The following HPCAL1 variants were observed in gnomAD, a reference collection of about 807,000 sequenced individuals.
HPCAL1 encodes the protein hippocalcin like 1.
A neutral mutation model predicts 17.1 loss-of-function variants in HPCAL1; 8 were observed. The observed-to-expected ratio is 0.47, with a 90% CI of 0.27 to 0.84. The LOEUF (loss-of-function observed/expected upper bound fraction) is 0.84, where lower values mean the gene tolerates loss of function less well. Ranked by LOEUF, HPCAL1 falls within the 40% of genes least tolerant of loss-of-function variation. The pLI, the probability that HPCAL1 is intolerant of heterozygous loss-of-function variation, is 0.13. For missense variants in HPCAL1, 165 were observed against 271.1 expected (o/e 0.61, Z 2.75); for synonymous variants, 112 against 111.4 (o/e 1.01, Z -0.03).
rs778908511 is a variant in HPCAL1 at position 10,419,817 on chromosome 2, G to T, written c.60G>T (p.Thr20=). 6 of 1,613,706 alleles carry T rather than the reference G, an allele frequency of 3.7e-6. No homozygotes were observed. The highest frequency in any genetic ancestry group is 5.1e-6 in the Non-Finnish European group (6 of 1,179,984). The change falls in exon 3 of 5, where the codon ACG becomes ACT. Residue 20 remains threonine, a synonymous_variant. Coordinates refer to ENST00000307845, the MANE Select transcript of HPCAL1 (RefSeq NM_002149.4). This position sits in a 1 kb window ranked among gnomAD's most constrained non-coding sequence, Gnocchi z 5.0. The part of the protein sequence containing the change: ...PEVLQDLREN[T]EFTDHELQEW... ...TGCTGCAGGACCTGCGGGAGAACAC[G>T]GAGTTCACCGACCACGAGCTGCAGG...
rs1274644415 is a variant in HPCAL1, at chr2:10,394,206, G to GC, written c.-110-2625dup. Reference sequence around the variant, plus strand: ...GGGTTTGGGGATTTGTGTTTTGGGCGCCCCACACCCCATTTAGCCGAGTGT... The same window carrying GC: ...GGGTTTGGGGATTTGTGTTTTGGGCGCCCCCACACCCCATTTAGCCGAGTGT... On this transcript the variant is annotated intron_variant, in intron 1 of 4. Coordinates refer to ENST00000307845, the MANE Select transcript of HPCAL1 (RefSeq NM_002149.4). The surrounding 1 kb of genome is among the most constrained non-coding windows in gnomAD (Gnocchi z 5.0). 2.6e-5 allele frequency among the ~76,000 whole-genome samples: 4 copies of GC among 152,098 alleles called. No homozygotes were observed. The highest frequency in any genetic ancestry group is 9.7e-5 in the African/African-American group (4 of 41,392).
chr2:10,422,957 C>A (rs752747935), intron 3 of HPCAL1, 26 bp from the exon 4 acceptor site: 1 of 1,551,722 alleles, frequency 6.4e-7, no homozygotes, highest in Admixed American at 1.7e-5. Flanking sequence ...GGCCTCTGAG[C>A]ACAGTGTCAT....
At chr2:10,414,291 G>A (rs1007297165) in intron 2 of HPCAL1, among the ~76,000 whole-genome samples, 4 of 152,228 alleles carry the variant, frequency 2.6e-5, no homozygotes, top group Non-Finnish European at 5.9e-5. Context: ...CTGTGCTACT[G>A]TAACACGGGA....
intron 1 of HPCAL1, among the ~76,000 whole-genome samples, chr2:10,361,379 C>G (rs145511972): frequency 6.6e-6 from 1 of 152,034 alleles, no homozygotes; most frequent in African/African-American, 2.4e-5. Flanking sequence ...AATCAGTTGC[C>G]CTAATTGCCT....
chr2:10,411,150 G>A (rs888944230), intron 2 of HPCAL1, among the ~76,000 whole-genome samples: 13 of 152,160 alleles, frequency 8.5e-5, no homozygotes, highest in Middle Eastern at 3.2e-3. Context: ...CAGTGGGGAG[G>A]CCATCTTGCA....
At position 10,323,326 on chromosome 2, in the gene HPCAL1, G is replaced by T. The variant is rs1663793275; in HGVS notation, c.-111+20149G>T. Among the ~76,000 whole-genome samples, 2 of 152,202 alleles carry T rather than the reference G, an allele frequency of 1.3e-5. No homozygotes were observed. The highest frequency in any genetic ancestry group is 2.4e-5 in the African/African-American group (1 of 41,444). ...CTGTGCCTCTTGTACCCTAACTTCA[G>T]TGTTAGAGCACCTTTCAGGGGGAAT... On this transcript the variant is annotated intron_variant, in intron 1 of 4. Coordinates refer to ENST00000307845, the MANE Select transcript of HPCAL1 (RefSeq NM_002149.4). This position sits in a 1 kb window ranked among gnomAD's most constrained non-coding sequence, Gnocchi z 4.6.
chr2:10,402,226 A>G (rs1353802450), intron 2 of HPCAL1, among the ~76,000 whole-genome samples: 1 of 152,168 alleles, frequency 6.6e-6, no homozygotes, highest in Non-Finnish European at 1.5e-5. Context: ...TAGGAGAAGG[A>G]AAGAAGGAGT....
chr2:10,353,614 C>A (rs1031275561), intron 1 of HPCAL1, among the ~76,000 whole-genome samples: 9 of 152,222 alleles, frequency 5.9e-5, no homozygotes, highest in Middle Eastern at 3.2e-3. Flanking sequence ...CTCACCCAGG[C>A]TGGAGTGCAG....
At chr2:10,327,402 G>A (rs1031562330) in intron 1 of HPCAL1, among the ~76,000 whole-genome samples, 4 of 152,212 alleles carry the variant, frequency 2.6e-5, no homozygotes, top group Non-Finnish European at 5.9e-5. Flanking sequence ...GCTAGCGTCA[G>A]GTGGGGGATT....
rs1327459379 is a variant in HPCAL1 at position 10,354,913 on chromosome 2, A to G, written c.-110-41922A>G. On this transcript the variant is annotated intron_variant, in intron 1 of 4. Coordinates refer to ENST00000307845, the MANE Select transcript of HPCAL1 (RefSeq NM_002149.4). This position sits in a 1 kb window ranked among gnomAD's most constrained non-coding sequence, Gnocchi z 5.1. ...ATAGATCCTTCAATTCAACAATTGAATTCAACAAGCCCCTGGGCACCCACC... is the reference window on the plus strand; with the variant it reads ...ATAGATCCTTCAATTCAACAATTGAGTTCAACAAGCCCCTGGGCACCCACC... Among the ~76,000 whole-genome samples the G allele has an allele frequency of 1.3e-5, 2 of 152,234 alleles. No homozygotes were observed. The highest frequency in any genetic ancestry group is 4.8e-5 in the African/African-American group (2 of 41,476).
rs563131837 is a variant in HPCAL1, at chr2:10,374,674, C to T, written c.-110-22161C>T. Among the ~76,000 whole-genome samples the T allele has an allele frequency of 8.5e-5, 13 of 152,352 alleles. No homozygotes were observed. In the South Asian group the frequency reaches 2.7e-3, roughly 32 times the overall value. On this transcript the variant is annotated intron_variant, in intron 1 of 4. Transcript: ENST00000307845. ...ATAGCATGTGGTTCTGAGAAGGCTTCTTGGAAAGGGCCTGGGGTTGAGCTG... is the reference window on the plus strand; with the variant it reads ...ATAGCATGTGGTTCTGAGAAGGCTTTTTGGAAAGGGCCTGGGGTTGAGCTG...
rs1488235336 is a variant in HPCAL1, at chr2:10,362,125, T to C, written c.-110-34710T>C. On this transcript the variant is annotated intron_variant, in intron 1 of 4. Coordinates refer to ENST00000307845, the MANE Select transcript of HPCAL1 (RefSeq NM_002149.4). The surrounding 1 kb of genome is among the most constrained non-coding windows in gnomAD (Gnocchi z 5.0). ...CATGTGCCCAAGATCACTTAGCTAG[T>C]AAGTGATGGGCAGGGCTGTGGAGCT... 6.6e-6 allele frequency among the ~76,000 whole-genome samples: 1 copy of C among 152,198 alleles called. No individual in the cohort carries two copies. The highest frequency in any genetic ancestry group is 2.4e-5 in the African/African-American group (1 of 41,444).
intron 1 of HPCAL1, among the ~76,000 whole-genome samples, chr2:10,347,564 T>C (rs1665551931): frequency 6.6e-6 from 1 of 152,160 alleles, no homozygotes; most frequent in Non-Finnish European, 1.5e-5. Context: ...TCCCAGGAGC[T>C]GATCTGTGGG....
rs1443564816 is a variant in HPCAL1 at position 10,362,464 on chromosome 2, G to C, written c.-110-34371G>C. On this transcript the variant is annotated intron_variant, in intron 1 of 4. Coordinates refer to ENST00000307845, the MANE Select transcript of HPCAL1 (RefSeq NM_002149.4). This position sits in a 1 kb window ranked among gnomAD's most constrained non-coding sequence, Gnocchi z 5.0. Reference sequence around the variant, plus strand: ...CTGTGGATAGACCCCCCGGAATGCAGGGGGCCGGGCTGAGCAAGAGGAGGA... The same window carrying C: ...CTGTGGATAGACCCCCCGGAATGCACGGGGCCGGGCTGAGCAAGAGGAGGA... Among the ~76,000 whole-genome samples, 6 of 152,190 alleles carry C rather than the reference G, an allele frequency of 3.9e-5. No individual in the cohort carries two copies. Among genetic ancestry groups the C allele is most frequent in the Admixed American group, 1.3e-4 (2 of 15,280 alleles).
chr2:10,412,570 G>C (rs963525362), intron 2 of HPCAL1, among the ~76,000 whole-genome samples: 4 of 152,214 alleles, frequency 2.6e-5, no homozygotes, highest in African/African-American at 9.7e-5. Context: ...CATCCCATTG[G>C]CCAGAGTGTA....
At chr2:10,329,661 T>C (rs575427365) in intron 1 of HPCAL1, among the ~76,000 whole-genome samples, 13 of 152,368 alleles carry the variant, frequency 8.5e-5, no homozygotes, top group Non-Finnish European at 1.9e-4. Flanking sequence ...GTTACAGCAG[T>C]GACACCGGGC....
At chr2:10,385,888 G>A (rs927511583) in intron 1 of HPCAL1, among the ~76,000 whole-genome samples, 1 of 149,142 alleles carries the variant, frequency 6.7e-6, no homozygotes, top group Non-Finnish European at 1.5e-5. Context: ...TGATTTGTCG[G>A]CCTCGTGTCG....
At chr2:10,322,032 AT>A (rs1663698907) in intron 1 of HPCAL1, among the ~76,000 whole-genome samples, 1 of 151,796 alleles carries the variant, frequency 6.6e-6, no homozygotes, top group Non-Finnish European at 1.5e-5. Context: ...TTTATTTTTT[AT>A]TTTTTTAGAG....
intron 1 of HPCAL1, among the ~76,000 whole-genome samples, chr2:10,352,670 G>T (rs966003694): frequency 2.6e-5 from 4 of 152,178 alleles, no homozygotes; most frequent in African/African-American, 9.7e-5. Flanking sequence ...TCAATGCCAG[G>T]GTGTCAGGAG....
Sources: gnomAD v4.1 joint callset for allele counts (sites outside exome capture counted in the v4.1 genomes callset) on GRCh38, gnomAD v4.1.1 for gene constraint, Gnocchi (gnomAD v3.1) non-coding constraint, MANE v1.5 for transcripts, NCBI Gene and HGNC (gene_info 2026-07-23, HGNC 2026-07-21) for gene names.